SP140: variants seen among roughly 807,000 people sequenced by gnomAD.
The protein encoded by SP140 is SP140 nuclear body protein.
Under a neutral mutation model 125.0 loss-of-function variants are expected in SP140, and 81 were observed. The observed-to-expected ratio is 0.65, with a 90% CI of 0.54 to 0.78. The LOEUF (loss-of-function observed/expected upper bound fraction) is 0.78. SP140 is among the 30% of genes least tolerant of loss of function. The pLI is 0.00. For missense variants in SP140, 858 were observed against 1,037.0 expected (o/e 0.83, Z 2.37); for synonymous variants, 312 against 354.0 (o/e 0.88, Z 1.33).
rs2044519383 is a variant in SP140, at chr2:230,211,866, C to A, written c.-322-1788C>A. On this transcript the variant is annotated intron_variant, in intron 1 of 4. Coordinates refer to the SP140 transcript ENST00000456542. This position sits in a 1 kb window ranked among gnomAD's most constrained non-coding sequence, Gnocchi z 4.2. The stretch of plus-strand genomic sequence containing the variant: ...CTGGAGAGCTCAGAATCCATGGTAT[C>A]ATTTTTGACAATGCCCAATATCATA... 6.6e-6 allele frequency among the ~76,000 whole-genome samples: 1 copy of A among 152,164 alleles called. No homozygotes were observed. Among genetic ancestry groups the A allele is most frequent in the Admixed American group, 6.5e-5 (1 of 15,278 alleles).
At chr2:230,208,468 G>C (rs563801949) in intron 1 of SP140, among the ~76,000 whole-genome samples, 4 of 152,200 alleles carry the variant, frequency 2.6e-5, no homozygotes, top group Non-Finnish European at 4.4e-5. Context: ...GAGGCAGAAG[G>C]ATTGTCTTAG....
chr2:230,212,692 T>C (rs981029034), intron 1 of SP140: 7 of 1,579,736 alleles, frequency 4.4e-6, no homozygotes, highest in Middle Eastern at 2.0e-4. Context: ...GATGCTGGGA[T>C]TGGCGGCAAC....
rs2056598865 is a variant in SP140 at position 230,287,921 on chromosome 2, T to C, written c.1675T>C (p.Phe559Leu). The change falls in exon 18 of 27, where the codon TTC becomes CTC. Residue 559 changes from phenylalanine to leucine, a missense_variant. Phe to Leu is a conservative substitution (Grantham distance 22). This residue lies in a region of SP140 where 791 missense variants were observed against 869.5 expected (regional missense o/e 0.91). Coordinates refer to ENST00000392045, the MANE Select transcript of SP140 (RefSeq NM_007237.5). ...AAAGAGAGGCAAACCTGGAACCCGC[T>C]TCACTCAGAGTGACAGAGCTGCACA... ...GRKRGKPGTR[F>L]TQSDRAAQKR... 2 of 1,612,358 alleles carry C rather than the reference T, an allele frequency of 1.2e-6. No individual in the cohort carries two copies. The highest frequency in any genetic ancestry group is 1.7e-6 in the Non-Finnish European group (2 of 1,179,746).
At chr2:230,244,895 G>A (rs1314950924) in intron 5 of SP140, 93 bp from the exon 6 acceptor site, 12 of 840,670 alleles carry the variant, frequency 1.4e-5, no homozygotes, top group Non-Finnish European at 2.1e-5. Flanking sequence ...GTGTTTTTTT[G>A]CAAGGAGAAG....
chr2:230,234,063 C>G (rs2047631901), intron 1 of SP140, among the ~76,000 whole-genome samples: 1 of 152,184 alleles, frequency 6.6e-6, no homozygotes, highest in African/African-American at 2.4e-5. Context: ...TCCAGTTCCT[C>G]TACAATAAGG....
intron 15 of SP140, among the ~76,000 whole-genome samples, chr2:230,282,691 G>T (rs1310258461): frequency 6.6e-6 from 1 of 152,186 alleles, no homozygotes; most frequent in Non-Finnish European, 1.5e-5. Context: ...GGTCCCTTAT[G>T]AGCACCTCTA....
chr2:230,264,479 A>G (rs1455820365), intron 12 of SP140, among the ~76,000 whole-genome samples: 2 of 152,070 alleles, frequency 1.3e-5, no homozygotes, highest in African/African-American at 4.8e-5. Flanking sequence ...TGGGTAAATC[A>G]GGGATTTCTT....
intron 18 of SP140, among the ~76,000 whole-genome samples, chr2:230,288,758 T>C (rs1388501488): frequency 1.3e-5 from 2 of 152,160 alleles, no homozygotes; most frequent in Non-Finnish European, 2.9e-5. Flanking sequence ...CCCAGAATGA[T>C]GGTTTCCAGC....
At chr2:230,260,246 C>A (rs760146639) in intron 12 of SP140, among the ~76,000 whole-genome samples, 5 of 152,042 alleles carry the variant, frequency 3.3e-5, no homozygotes, top group Admixed American at 3.3e-4. Context: ...TCTTCTTTTA[C>A]GAACTGTCTA....
chr2:230,273,012 A>G (rs2149367592), intron 15 of SP140, among the ~76,000 whole-genome samples: 1 of 152,362 alleles, frequency 6.6e-6, no homozygotes, highest in African/African-American at 2.4e-5. Flanking sequence ...CCTAGGCAAT[A>G]CCATTCAGGA....
intron 15 of SP140, among the ~76,000 whole-genome samples, chr2:230,282,089 C>G (rs2055652677): frequency 6.6e-6 from 1 of 152,068 alleles, no homozygotes; most frequent in Non-Finnish European, 1.5e-5. Flanking sequence ...AGCAAACCTG[C>G]CCAAACCTTA....
chr2:230,211,818 G>A lies in SP140; in HGVS notation c.-322-1836G>A, dbSNP rs146089829. ...GAGTGGATGCAATATTATTTGGATC[G>A]AAGAGGACCCCTCTTCTCAGTACTG... On this transcript the variant is annotated intron_variant, in intron 1 of 4. Coordinates refer to the SP140 transcript ENST00000456542. This position sits in a 1 kb window ranked among gnomAD's most constrained non-coding sequence, Gnocchi z 4.2. Among the ~76,000 whole-genome samples the A allele has an allele frequency of 1.5e-3, 235 of 152,182 alleles. 1 individual carries two copies. Among genetic ancestry groups the A allele is most frequent in the African/African-American group, 5.4e-3 (223 of 41,516 alleles).
chr2:230,269,803 C>T, intron 13 of SP140, 34 bp from the exon 14 acceptor site: 1 of 1,534,510 alleles, frequency 6.5e-7, no homozygotes, highest in South Asian at 1.1e-5. Flanking sequence ...CTGGGTCAAA[C>T]TGAAAGTCTT....
Position 230,311,046 on chromosome 2 carries a change from A to T in SP140, c.2284-108A>T, listed in dbSNP as rs542054946. ...ACATGTCTGTTTCCAAGAGCCACAC[A>T]TGTTAGAGAAACTTGAGGAAGAAGG... On this transcript the variant is annotated intron_variant, in intron 24 of 26. Transcript: ENST00000392045. The T allele has an allele frequency of 1.5e-5, 24 of 1,581,496 alleles. No homozygotes were observed. The African/African-American group carries it at 3.3e-4, about 22-fold the overall frequency.
At chr2:230,186,267 C>CT in the SP140 span, 6,435 of 904,988 alleles carry the variant, frequency 7.1e-3, 286 homozygotes, top group African/African-American at 0.096. Context: ...TATCTTTCTT[C>CT]CCCCCAGACT....
In SP140 at chr2:230,269,580, A is replaced by G. The variant is rs768313666; in HGVS notation, c.1289A>G (p.Glu430Gly). 8.1e-6 allele frequency: 13 copies of G among 1,605,610 alleles called. No homozygotes were observed. The African/African-American group carries it at 1.6e-4, about 20-fold the overall frequency. ...NHPMNEEGES[E>G]ELASSLLYDN... ...CCAATGAATGAAGAAGGAGAATCAG[A>G]AGAGCTTGCTTCTAGCCTGCTATAT... The change falls in exon 13 of 27, where the codon GAA becomes GGA. Residue 430 changes from glutamate (E) to glycine (G), a missense_variant. Transcript: ENST00000392045.
rs771344549 is a variant in SP140, at chr2:230,237,130, A to G, written c.107A>G (p.Gln36Arg). The G allele has an allele frequency of 6.2e-7, 1 of 1,610,464 alleles. No individual in the cohort carries two copies. Among genetic ancestry groups the G allele is most frequent in the South Asian group, 1.1e-5 (1 of 90,646 alleles). Residue 36 changes from glutamine to arginine, a missense_variant, in exon 2 of 27, where the codon CAG becomes CGG. Coordinates refer to ENST00000392045, the MANE Select transcript of SP140 (RefSeq NM_007237.5). This position sits in a 1 kb window ranked among gnomAD's most constrained non-coding sequence, Gnocchi z 5.4. ...QNVEGQNLQE[Q>R]VCPEPIFRFF... ...GTAGAGGGTCAGAACCTGCAGGAGC[A>G]GGTTTGCCCTGAGCCCATTTTCAGG...
intron 1 of SP140, among the ~76,000 whole-genome samples, chr2:230,228,186 G>A (rs2046733554): frequency 6.6e-6 from 1 of 151,928 alleles, no homozygotes; most frequent in South Asian, 2.1e-4. Context: ...TGGTTAATCT[G>A]GAAATATTTT....
At chr2:230,198,673 C>A (rs2042988176), upstream of SP140, among the ~76,000 whole-genome samples, 1 of 152,188 alleles carries the variant, frequency 6.6e-6, no homozygotes, top group Admixed American at 6.5e-5. Flanking sequence ...TGGCTCACTG[C>A]AACCTCTGCC....
Sources: gnomAD v4.1 joint callset for allele counts (sites outside exome capture counted in the v4.1 genomes callset) on GRCh38, gnomAD v4.1.1 for gene constraint, gnomAD v4.1.1 regional missense constraint, Gnocchi (gnomAD v3.1) non-coding constraint, MANE v1.5 for transcripts, NCBI Gene and HGNC (gene_info 2026-07-23, HGNC 2026-07-21) for gene names.